ZNRF1: variants seen among roughly 807,000 people sequenced by gnomAD.
ZNRF1 encodes the protein zinc and ring finger 1.
A neutral mutation model predicts 18.4 loss-of-function variants in ZNRF1; 3 were observed. The ratio of observed to expected loss-of-function variants is 0.16; its 90% CI spans 0.07 to 0.42. ZNRF1 has a LOEUF of 0.42. ZNRF1 is among the 10% of genes least tolerant of loss of function. The pLI is 0.99. For missense variants in ZNRF1, 310 were observed against 329.8 expected, an observed-to-expected ratio of 0.94 and a Z score of 0.47; for synonymous variants, 157 against 144.2, an observed-to-expected ratio of 1.09 and a Z score of -0.64.
At chr16:75,049,197 GT>G in intron 1 of ZNRF1, among the ~76,000 whole-genome samples, 1 of 151,558 alleles carries the variant, frequency 6.6e-6, no homozygotes, top group Non-Finnish European at 1.5e-5. Flanking sequence ...TAGAGACAGG[GT>G]TTCACCATCT....
rs527503734 is a variant in ZNRF1 at position 75,001,969 on chromosome 16, G to A, written c.424+1874G>A. Among the ~76,000 whole-genome samples, 7 of 152,262 alleles carry A rather than the reference G, an allele frequency of 4.6e-5. No individual in the cohort carries two copies. In the South Asian group the frequency reaches 1.5e-3, roughly 32 times the overall value. On this transcript the variant is annotated intron_variant, in intron 1 of 4. Coordinates refer to ENST00000335325, the MANE Select transcript of ZNRF1 (RefSeq NM_032268.5). The stretch of plus-strand genomic sequence containing the variant: ...GAGCATATTAATCCTTTAGGGAAGG[G>A]TGTCAAAAGTGTGTATGGGAGGCTG...
chr16:75,056,405 A>G (rs906199726), intron 1 of ZNRF1, among the ~76,000 whole-genome samples: 1 of 152,232 alleles, frequency 6.6e-6, no homozygotes, highest in Admixed American at 6.5e-5. Context: ...TGAAAAGAAT[A>G]GGTTTAAAAG....
intron 1 of ZNRF1, among the ~76,000 whole-genome samples, chr16:75,024,177 C>G (rs901880342): frequency 2.0e-5 from 3 of 151,942 alleles, no homozygotes; most frequent in Non-Finnish European, 4.4e-5. Context: ...GCCCAGAATC[C>G]TTCTTAACAC....
chr16:75,036,215 C>CAT, intron 1 of ZNRF1, among the ~76,000 whole-genome samples: 1 of 152,304 alleles, frequency 6.6e-6, no homozygotes, highest in Non-Finnish European at 1.5e-5. Flanking sequence ...GGATCACAGG[C>CAT]ATGTGCCATC....
At chr16:75,045,801 G>A (rs906409706) in intron 1 of ZNRF1, among the ~76,000 whole-genome samples, 2 of 149,486 alleles carry the variant, frequency 1.3e-5, no homozygotes, top group South Asian at 2.1e-4. Context: ...CTGCAGTCTC[G>A]AATTCCTGGG....
At chr16:75,042,042 C>T (rs560447854) in intron 1 of ZNRF1, among the ~76,000 whole-genome samples, 2 of 152,232 alleles carry the variant, frequency 1.3e-5, no homozygotes, top group South Asian at 4.1e-4. Flanking sequence ...TTTAGGTTCA[C>T]AGCAAAATTA....
chr16:75,032,748 T>TG (rs762423116), intron 1 of ZNRF1, among the ~76,000 whole-genome samples: 60 of 152,180 alleles, frequency 3.9e-4, no homozygotes, highest in Middle Eastern at 3.4e-3. Context: ...AAGGACCAGA[T>TG]GCAGTAGCTC....
At chr16:75,078,040 A>G (rs1328369397) in intron 1 of ZNRF1, among the ~76,000 whole-genome samples, 1 of 152,184 alleles carries the variant, frequency 6.6e-6, no homozygotes, top group East Asian at 1.9e-4. Context: ...TTGGGGAGCC[A>G]TTATTCTGCC....
In ZNRF1 at chr16:75,046,237, G is replaced by A. The variant is rs146314061; in HGVS notation, c.424+46142G>A. The stretch of plus-strand genomic sequence containing the variant: ...TTTGCATTTATATAGGCCTCAATGA[G>A]TTGGGTGTTTCATTTTGTGTTTTGT... On this transcript the variant is annotated intron_variant, in intron 1 of 4. Coordinates refer to ENST00000335325, the MANE Select transcript of ZNRF1 (RefSeq NM_032268.5). 2.1e-4 allele frequency among the ~76,000 whole-genome samples: 31 copies of A among 150,246 alleles called. No individual in the cohort carries two copies. In the East Asian group the frequency reaches 6.3e-3, roughly 31 times the overall value.
chr16:75,065,265 G>T (rs1176608761), intron 1 of ZNRF1, among the ~76,000 whole-genome samples: 8 of 152,232 alleles, frequency 5.3e-5, no homozygotes, highest in Non-Finnish European at 1.0e-4. Context: ...GGTGCCTGCG[G>T]CTGAGGCTCC....
chr16:75,061,463 A>T (rs1418676057), intron 1 of ZNRF1, among the ~76,000 whole-genome samples: 1 of 51,000 alleles, frequency 2.0e-5, no homozygotes, highest in African/African-American at 3.2e-5. Context: ...GGTTCCACTC[A>T]TGTTGTTGCA....
At position 75,009,462 on chromosome 16, in the gene ZNRF1, C is replaced by G. The variant is rs150253933; in HGVS notation, c.424+9367C>G. 4.1e-3 allele frequency among the ~76,000 whole-genome samples: 621 copies of G among 152,252 alleles called. 4 individuals carry two copies. The highest frequency in any genetic ancestry group is 7.1e-3 in the Admixed American group (109 of 15,300). On this transcript the variant is annotated intron_variant, in intron 1 of 4. Coordinates refer to ENST00000335325, the MANE Select transcript of ZNRF1 (RefSeq NM_032268.5). ...TGCATTGTAGCATATTTCAGAATTT[C>G]CTTTCTTTTAAAGGTTGAATCGTAT...
chr16:75,089,151 G>C (rs549268877), intron 1 of ZNRF1, among the ~76,000 whole-genome samples: 1 of 151,718 alleles, frequency 6.6e-6, no homozygotes, highest in South Asian at 2.1e-4. Flanking sequence ...TGGCCAGGCT[G>C]GAGTGTAGTG....
chr16:75,084,967 C>G (rs1437282166), intron 1 of ZNRF1, among the ~76,000 whole-genome samples: 1 of 152,226 alleles, frequency 6.6e-6, no homozygotes, highest in Non-Finnish European at 1.5e-5. Context: ...CATCAGTGTA[C>G]TTCCTTGACA....
intron 1 of ZNRF1, among the ~76,000 whole-genome samples, chr16:75,027,234 GCACTC>G (rs1363946746): frequency 6.6e-6 from 1 of 151,930 alleles, no homozygotes; most frequent in African/African-American, 2.4e-5. Context: ...TCACACCACT[GCACTC>G]CAGCCTGGGC....
rs2035770467 is a variant in ZNRF1 at position 75,063,841 on chromosome 16, G to A, written c.425-29731G>A. On this transcript the variant is annotated intron_variant, in intron 1 of 4. Coordinates refer to ENST00000335325, the MANE Select transcript of ZNRF1 (RefSeq NM_032268.5). Reference sequence around the variant, plus strand: ...TGCCTTTGTTCAGCAATGAGGAGGGGAAAAGTGGCCTTTTGGGTTGGCTGT... The same window carrying A: ...TGCCTTTGTTCAGCAATGAGGAGGGAAAAAGTGGCCTTTTGGGTTGGCTGT... 3.3e-5 allele frequency among the ~76,000 whole-genome samples: 5 copies of A among 152,316 alleles called. No individual in the cohort carries two copies. In the South Asian group the frequency reaches 1.0e-3, roughly 32 times the overall value.
At chr16:75,005,013 T>C (rs922308595) in intron 1 of ZNRF1, among the ~76,000 whole-genome samples, 2 of 152,206 alleles carry the variant, frequency 1.3e-5, no homozygotes, top group Non-Finnish European at 2.9e-5. Flanking sequence ...TAATTTTCTT[T>C]TATTGTTAGC....
chr16:75,083,100 T>C (rs746545496), intron 1 of ZNRF1, among the ~76,000 whole-genome samples: 1 of 152,256 alleles, frequency 6.6e-6, no homozygotes, highest in African/African-American at 2.4e-5. Context: ...CCTCTTACAA[T>C]TGATGGCATC....
intron 1 of ZNRF1, among the ~76,000 whole-genome samples, chr16:75,022,515 G>A (rs1324901589): frequency 4.6e-5 from 7 of 151,578 alleles, no homozygotes; most frequent in Non-Finnish European, 8.8e-5. Flanking sequence ...GCAGTGAGCC[G>A]AGATTGTGCC....
Sources: allele counts gnomAD v4.1 joint callset (sites outside exome capture counted in the v4.1 genomes callset), GRCh38; gene constraint gnomAD v4.1.1; transcripts MANE v1.5; gene names NCBI Gene and HGNC (gene_info 2026-07-23, HGNC 2026-07-21).